Variants in HMCN1 observed in about 807,000 individuals in gnomAD.
HMCN1 encodes the protein hemicentin 1.
A neutral mutation model predicts 625.9 loss-of-function variants in HMCN1; 321 were observed. The ratio of observed to expected loss-of-function variants is 0.51; its 90% CI spans 0.47 to 0.56. The LOEUF (loss-of-function observed/expected upper bound fraction) is 0.56, where lower values mean the gene tolerates loss of function less well. Ranked by LOEUF, HMCN1 falls within the 20% of genes least tolerant of loss-of-function variation. HMCN1 has a pLI of 0.00. For synonymous variants in HMCN1, 2,425 were observed against 2,417.6 expected (o/e 1.00, Z -0.09); for missense variants, 6,588 against 6,887.3 (o/e 0.96, Z 1.54).
intron 1 of HMCN1, among the ~76,000 whole-genome samples, chr1:185,821,443 G>A (rs537443824): frequency 6.6e-6 from 1 of 152,204 alleles, no homozygotes; most frequent in Admixed American, 6.5e-5. Flanking sequence ...AATAGATGAT[G>A]ACTAAGCTTA....
chr1:186,175,887 A>AG (rs1441608221), intron 103 of HMCN1, among the ~76,000 whole-genome samples: 179 of 148,956 alleles, frequency 1.2e-3, no homozygotes, highest in African/African-American at 4.3e-3. Context: ...AAAAAAAAAA[A>AG]AAAAGAAAGA....
chr1:185,938,617 C>G (rs920380421), intron 11 of HMCN1, among the ~76,000 whole-genome samples: 2 of 151,972 alleles, frequency 1.3e-5, no homozygotes, highest in African/African-American at 4.8e-5. Flanking sequence ...TGGACTCTTG[C>G]CAAGACCACG....
chr1:186,152,900 T>A, intron 96 of HMCN1, 29 bp downstream of exon 96: 1 of 1,612,758 alleles, frequency 6.2e-7, no homozygotes, highest in Non-Finnish European at 8.5e-7. Flanking sequence ...TTGTCTTTGC[T>A]GCTTATTAGA....
Position 185,993,073 on chromosome 1 carries a change from G to C in HMCN1, c.3378-109G>C, listed in dbSNP as rs367854981. On this transcript the variant is annotated intron_variant, in intron 22 of 106. Coordinates refer to ENST00000271588, the MANE Select transcript of HMCN1 (RefSeq NM_031935.3). ...AGATGTACATTGCAGATGGGAAAAT[G>C]GTTTAAAAAACTACTTGCAGAGTAG... is the stretch of plus-strand genomic sequence containing the variant. 9.7e-6 allele frequency: 10 copies of C among 1,034,158 alleles called. No individual in the cohort carries two copies. The East Asian group carries it at 2.4e-4, about 25-fold the overall frequency. 64.1% of individuals were successfully genotyped at this position (1,034,158 alleles called of 1,614,324 possible).
chr1:186,116,934 G>C, intron 75 of HMCN1, 60 bp from the exon 76 acceptor site: 2 of 1,589,358 alleles, frequency 1.3e-6, no homozygotes, highest in Non-Finnish European at 1.7e-6. Context: ...TGTTAAACTA[G>C]CTGGGAAAAT....
intron 1 of HMCN1, among the ~76,000 whole-genome samples, chr1:185,806,325 T>C (rs1160569673): frequency 6.6e-6 from 1 of 152,082 alleles, no homozygotes; most frequent in African/African-American, 2.4e-5. Context: ...CCTTCCAATA[T>C]GTAGGGAGTG....
At chr1:185,798,073 T>G (rs971763247) in intron 1 of HMCN1, among the ~76,000 whole-genome samples, 1 of 152,000 alleles carries the variant, frequency 6.6e-6, no homozygotes, top group East Asian at 1.9e-4. Context: ...ATTTCTTTTG[T>G]GCATTTCTTC....
At chr1:185,816,487 G>A (rs1365525125) in intron 1 of HMCN1, among the ~76,000 whole-genome samples, 1 of 152,170 alleles carries the variant, frequency 6.6e-6, no homozygotes. Context: ...TAGGAAAGGA[G>A]ATTAGAACAA....
intron 1 of HMCN1, among the ~76,000 whole-genome samples, chr1:185,773,458 T>C (rs1571329828): frequency 6.6e-6 from 1 of 152,218 alleles, no homozygotes; most frequent in Admixed American, 6.6e-5. Context: ...CTTATTGTTA[T>C]TGATGATGTT....
intron 28 of HMCN1, 71 bp from the exon 29 acceptor site, chr1:186,003,647 C>G (rs1653340473): frequency 1.4e-6 from 2 of 1,422,944 alleles, no homozygotes; most frequent in South Asian, 2.3e-5. Flanking sequence ...AAATCATTGA[C>G]TGCTTTCTAA....
intron 48 of HMCN1, among the ~76,000 whole-genome samples, chr1:186,064,049 G>C (rs1398348342): frequency 6.6e-6 from 1 of 152,054 alleles, no homozygotes; most frequent in Non-Finnish European, 1.5e-5. Context: ...AATAAGCAGA[G>C]GGGGGAATGT....
rs148680353 is a variant in HMCN1, at chr1:186,127,014, ACT to A, written c.12691-1061_12691-1060del. On this transcript the variant is annotated intron_variant, in intron 82 of 106. Coordinates refer to ENST00000271588, the MANE Select transcript of HMCN1 (RefSeq NM_031935.3). The stretch of plus-strand genomic sequence containing the variant: ...TAGCAGAGAAGAGACAAGAAGTAAG[ACT>A]CTGCATATACTTTGAAGCTAGCATT... 6.3e-3 allele frequency among the ~76,000 whole-genome samples: 965 copies of A among 152,086 alleles called. 12 individuals are homozygous for A. The highest frequency in any genetic ancestry group is 0.021 in the African/African-American group (865 of 41,494).
intron 55 of HMCN1, among the ~76,000 whole-genome samples, chr1:186,079,096 T>TAGCAGCTCTCTCATC (rs55835797): frequency 8.7e-5 from 13 of 149,212 alleles, no homozygotes; most frequent in South Asian, 4.3e-4. Context: ...TAGTTGTGTT[T>TAGCAGCTCTCTCATC]AGCAGCTCTC....
intron 21 of HMCN1, 125 bp downstream of exon 21, chr1:185,989,772 A>AT (rs1156913510): frequency 0.059 from 31,695 of 532,778 alleles, 57 homozygotes; most frequent in African/African-American, 0.063. Context: ...CCAGATTTCT[A>AT]TTTTTTTTTT....
chr1:186,164,349 G>C (rs1453659376), intron 97 of HMCN1, among the ~76,000 whole-genome samples: 1 of 149,156 alleles, frequency 6.7e-6, no homozygotes. Flanking sequence ...ACGCCATTCT[G>C]CTGCCTCAGT....
At chr1:185,921,849 A>G (rs562459134) in intron 6 of HMCN1, among the ~76,000 whole-genome samples, 98 of 152,320 alleles carry the variant, frequency 6.4e-4, no homozygotes, top group Non-Finnish European at 1.2e-3. Context: ...TGCATTTTTA[A>G]TAAATGCTGA....
chr1:185,954,233 A>G (rs1160781636), intron 11 of HMCN1, among the ~76,000 whole-genome samples: 2 of 152,188 alleles, frequency 1.3e-5, no homozygotes, highest in Non-Finnish European at 2.9e-5. Context: ...AATGAAAAAT[A>G]TATTTGTGAA....
At chr1:185,855,020 A>C (rs1365628382) in intron 2 of HMCN1, among the ~76,000 whole-genome samples, 2 of 152,312 alleles carry the variant, frequency 1.3e-5, no homozygotes, top group East Asian at 3.9e-4. Context: ...TAGAGTCTTG[A>C]CTAGCAGAGA....
At chr1:185,746,896 C>A (rs1028882961) in intron 1 of HMCN1, among the ~76,000 whole-genome samples, 1 of 151,984 alleles carries the variant, frequency 6.6e-6, no homozygotes, top group Non-Finnish European at 1.5e-5. Context: ...TGTGAGCCAC[C>A]GCAACCAGCC....
Sources: allele counts gnomAD v4.1 joint callset (sites outside exome capture counted in the v4.1 genomes callset), GRCh38; gene constraint gnomAD v4.1.1; transcripts MANE v1.5; gene names NCBI Gene and HGNC (gene_info 2026-07-23, HGNC 2026-07-21).